The following SPMIP4 variants were observed in gnomAD, a reference collection of about 807,000 sequenced individuals.
SPMIP4 encodes the protein sperm-associated microtubule inner protein 4.
the SPMIP4 span, among the ~76,000 whole-genome samples, chr7:25,160,969 GT>G: frequency 2.0e-5 from 3 of 150,050 alleles, no homozygotes; most frequent in Admixed American, 6.6e-5. Context: ...ATCAGCTCCT[GT>G]TTTTTTTTCT....
chr7:25,178,166 C>T, the SPMIP4 span, among the ~76,000 whole-genome samples: 1 of 152,194 alleles, frequency 6.6e-6, no homozygotes, highest in African/African-American at 2.4e-5. Context: ...GCATAGTATT[C>T]CATGGTGTAT....
the SPMIP4 span, chr7:25,142,342 A>C: frequency 6.4e-7 from 1 of 1,552,990 alleles, no homozygotes; most frequent in Non-Finnish European, 8.8e-7. Context: ...CCTTAATGGA[A>C]ACATCACCTT....
At chr7:25,156,183 C>G in the SPMIP4 span, among the ~76,000 whole-genome samples, 17 of 152,076 alleles carry the variant, frequency 1.1e-4, no homozygotes, top group African/African-American at 4.1e-4. Flanking sequence ...GAAGATAAGG[C>G]AGAGATCGGG....
chr7:25,151,855 AT>A, the SPMIP4 span, among the ~76,000 whole-genome samples: 2 of 151,964 alleles, frequency 1.3e-5, no homozygotes, highest in African/African-American at 2.4e-5. Flanking sequence ...TTTATTTTTT[AT>A]TTTTTTTAAG....
the SPMIP4 span, among the ~76,000 whole-genome samples, chr7:25,127,557 T>G: frequency 1.3e-5 from 2 of 152,234 alleles, no homozygotes; most frequent in African/African-American, 4.8e-5. Context: ...TAATCTCTGT[T>G]AAATTTATCT....
At chr7:25,165,849 G>A in the SPMIP4 span, among the ~76,000 whole-genome samples, 1 of 152,198 alleles carries the variant, frequency 6.6e-6, no homozygotes, top group Non-Finnish European at 1.5e-5. Flanking sequence ...TGTTTAGAGT[G>A]ACAGTCCACT....
chr7:25,147,207 T>C, the SPMIP4 span, among the ~76,000 whole-genome samples: 4 of 152,262 alleles, frequency 2.6e-5, no homozygotes, highest in African/African-American at 9.6e-5. Context: ...GGCAGGAGAA[T>C]TGCTTGAACC....
the SPMIP4 span, among the ~76,000 whole-genome samples, chr7:25,144,427 G>T: frequency 1.3e-5 from 2 of 152,070 alleles, no homozygotes; most frequent in African/African-American, 4.8e-5. Context: ...TTCTTTACCC[G>T]CCCCATTTAC....
the SPMIP4 span, chr7:25,136,416 C>A: frequency 6.2e-7 from 1 of 1,614,042 alleles, no homozygotes; most frequent in Non-Finnish European, 8.5e-7. The surrounding 1 kb of genome is among the most constrained non-coding windows in gnomAD (Gnocchi z 5.7). Flanking sequence ...ACTGCTGTCT[C>A]CAGTATAAAT....
chr7:25,143,846 C>CTTCA, the SPMIP4 span, among the ~76,000 whole-genome samples: 1 of 152,148 alleles, frequency 6.6e-6, no homozygotes, highest in Non-Finnish European at 1.5e-5. Context: ...GATCCTCCTA[C>CTTCA]TTCAGCCTAT....
the SPMIP4 span, among the ~76,000 whole-genome samples, chr7:25,168,777 G>C: frequency 1.3e-5 from 2 of 150,106 alleles, no homozygotes; most frequent in Non-Finnish European, 3.0e-5. Context: ...CCAGGCTGGA[G>C]TGCAGTGGCA....
At chr7:25,133,898 G>T in the SPMIP4 span, among the ~76,000 whole-genome samples, 1 of 152,088 alleles carries the variant, frequency 6.6e-6, no homozygotes, top group Non-Finnish European at 1.5e-5. Flanking sequence ...TGCATGTACT[G>T]GACAAGTGAG....
the SPMIP4 span, chr7:25,161,197 A>AT: frequency 1.6e-5 from 24 of 1,545,294 alleles, no homozygotes; most frequent in African/African-American, 2.3e-4. Flanking sequence ...ACAAAGAATC[A>AT]TTTCCATAGA....
the SPMIP4 span, among the ~76,000 whole-genome samples, chr7:25,156,935 C>T: frequency 2.0e-5 from 3 of 152,130 alleles, no homozygotes; most frequent in East Asian, 5.8e-4. Context: ...GATCCACCTG[C>T]CTCGGCCTCC....
the SPMIP4 span, among the ~76,000 whole-genome samples, chr7:25,131,551 C>T: frequency 2.7e-4 from 41 of 152,268 alleles, no homozygotes; most frequent in Non-Finnish European, 4.3e-4. The surrounding 1 kb of genome is among the most constrained non-coding windows in gnomAD (Gnocchi z 4.2). Flanking sequence ...GAAAACACTT[C>T]GTATTATTGT....
At chr7:25,131,046 G>A in the SPMIP4 span, among the ~76,000 whole-genome samples, 1 of 152,190 alleles carries the variant, frequency 6.6e-6, no homozygotes, top group Non-Finnish European at 1.5e-5. The surrounding 1 kb of genome is among the most constrained non-coding windows in gnomAD (Gnocchi z 4.2). Context: ...AGCTTCATCT[G>A]TATTTACTAC....
the SPMIP4 span, among the ~76,000 whole-genome samples, chr7:25,160,815 T>C: frequency 6.6e-6 from 1 of 152,240 alleles, no homozygotes; most frequent in East Asian, 1.9e-4. Flanking sequence ...AAAATTCTGG[T>C]TGAAAATTTA....
chr7:25,136,822 A>G, the SPMIP4 span: 13 of 1,588,406 alleles, frequency 8.2e-6, no homozygotes, highest in Non-Finnish European at 1.0e-5. The surrounding 1 kb of genome is among the most constrained non-coding windows in gnomAD (Gnocchi z 5.7). Flanking sequence ...AAGGAGAAAA[A>G]AATTGATCAG....
chr7:25,161,064 T>C, the SPMIP4 span: 1 of 577,682 alleles, frequency 1.7e-6, no homozygotes, highest in Non-Finnish European at 3.0e-6. Context: ...ATTGTCTCTA[T>C]TTTAAAAAAG....
Sources: gnomAD v4.1 joint callset for allele counts (sites outside exome capture counted in the v4.1 genomes callset) on GRCh38, gnomAD v4.1.1 for gene constraint, Gnocchi (gnomAD v3.1) non-coding constraint, MANE v1.5 for transcripts, NCBI Gene and HGNC (gene_info 2026-07-23, HGNC 2026-07-21) for gene names.